ORC1: variants seen among roughly 807,000 people sequenced by gnomAD.
ORC1 encodes origin recognition complex, subunit 1 homolog.
ORC1 carries 61 observed loss-of-function variants against 98.9 expected under a neutral mutation model. The observed-to-expected ratio is 0.62, with a 90% CI of 0.50 to 0.76. The LOEUF (loss-of-function observed/expected upper bound fraction) is 0.76. Ranked by LOEUF, ORC1 falls within the 30% of genes least tolerant of loss-of-function variation. The pLI is 0.00. For synonymous variants in ORC1, 385 were observed against 406.9 expected (o/e 0.95, Z 0.65); for missense variants, 979 against 1,072.2 (o/e 0.91, Z 1.21).
intron 16 of ORC1, among the ~76,000 whole-genome samples, chr1:52,374,382 C>A (rs1646969052): frequency 6.6e-6 from 1 of 152,214 alleles, no homozygotes; most frequent in South Asian, 2.1e-4. Context: ...TCCAAGGCAG[C>A]CAATTACTAG....
chr1:52,396,267 G>A lies in ORC1; in HGVS notation c.500C>T (p.Pro167Leu). The A allele has an allele frequency of 6.2e-7, 1 of 1,614,156 alleles. No homozygotes were observed. The highest frequency in any genetic ancestry group is 8.5e-7 in the Non-Finnish European group (1 of 1,180,028). The change falls in exon 5 of 17, where the codon CCA becomes CTA. Residue 167 changes from proline to leucine, a missense_variant. Coordinates refer to ENST00000371568, the MANE Select transcript of ORC1 (RefSeq NM_004153.4). Reference protein sequence around the residue: ...KLSWNEKKFRPLSSELFAELN... With the variant: ...KLSWNEKKFRLLSSELFAELN... ...CTCCGCAAATAGTTCTGAGGAAAGT[G>A]GCCTGAATTTCTTCTCATTCCAGGA...
chr1:52,395,188 T>C (rs967025849), intron 5 of ORC1, among the ~76,000 whole-genome samples: 12 of 152,172 alleles, frequency 7.9e-5, no homozygotes, highest in Admixed American at 3.9e-4. Flanking sequence ...TTCAGATACA[T>C]TGTAAGGGGA....
intron 11 of ORC1, 63 bp downstream of exon 11, chr1:52,384,487 T>C: frequency 2.7e-6 from 4 of 1,458,484 alleles, no homozygotes; most frequent in Non-Finnish European, 2.9e-6. Context: ...TAAGTAACTC[T>C]TTCCTTTTTC....
At chr1:52,408,781 G>A, upstream of ORC1, 1 of 1,437,166 alleles carries the variant, frequency 7.0e-7, no homozygotes, top group Non-Finnish European at 9.6e-7. Context: ...TAGACAGTGT[G>A]AATGCTCCTT....
chr1:52,376,027 G>T (rs1001035576), intron 14 of ORC1, among the ~76,000 whole-genome samples: 1 of 152,184 alleles, frequency 6.6e-6, no homozygotes, highest in Non-Finnish European at 1.5e-5. Flanking sequence ...CTTACAGCAC[G>T]TGGTGAATTT....
In ORC1 at chr1:52,402,209, G is replaced by C. The variant is rs1426492800; in HGVS notation, c.15C>G (p.Pro5=). 6.2e-7 allele frequency: 1 copy of C among 1,614,104 alleles called. No individual in the cohort carries two copies. The highest frequency in any genetic ancestry group is 1.1e-5 in the South Asian group (1 of 91,076). The change falls in exon 2 of 17, where the codon CCC becomes CCG. Residue 5 remains proline, a synonymous_variant. Transcript: ENST00000371568. MAHY[P]TRLKTRKTYS... The stretch of plus-strand genomic sequence containing the variant: ...AAGTTTTTCTGGTCTTCAGCCTTGT[G>C]GGGTAGTGTGCCATGGCTTCTGTGG...
chr1:52,405,973 T>C (rs1647977147), upstream of ORC1: 3 of 721,844 alleles, frequency 4.2e-6, no homozygotes, highest in African/African-American at 3.6e-5. Flanking sequence ...TTTTGAGCCC[T>C]TGAGTTTGTA....
chr1:52,389,154 G>T, intron 7 of ORC1, 63 bp downstream of exon 7: 1 of 1,195,992 alleles, frequency 8.4e-7, no homozygotes, highest in Non-Finnish European at 1.3e-6. Flanking sequence ...GGCATTAGGA[G>T]ATAAGATTAT....
At chr1:52,385,804 G>A in intron 9 of ORC1, 48 bp downstream of exon 9, 2 of 1,233,960 alleles carry the variant, frequency 1.6e-6, no homozygotes, top group Non-Finnish European at 2.4e-6. Context: ...TGAAAGCAGA[G>A]GCCCCATGGT....
chr1:52,393,881 G>A, intron 5 of ORC1, 78 bp from the exon 6 acceptor site: 4 of 1,466,644 alleles, frequency 2.7e-6, no homozygotes, highest in Admixed American at 3.4e-5. Context: ...GCCAAATTCA[G>A]CCACTGAGTT....
chr1:52,382,729 G>A (rs866501930), intron 13 of ORC1, among the ~76,000 whole-genome samples: 70 of 151,780 alleles, frequency 4.6e-4, no homozygotes, highest in East Asian at 3.9e-4. Flanking sequence ...ACAGGCATGC[G>A]TCACCACACC....
At chr1:52,399,466 T>C (rs940543077) in intron 3 of ORC1, among the ~76,000 whole-genome samples, 1 of 151,402 alleles carries the variant, frequency 6.6e-6, no homozygotes, top group Admixed American at 6.6e-5. Context: ...CTACTAAAAA[T>C]ACAAAAAATT....
Position 52,375,438 on chromosome 1 carries a change from C to A in ORC1, c.2295G>T (p.Thr765=), listed in dbSNP as rs566116666. The change falls in exon 15 of 17, where the codon ACG becomes ACT. Residue 765 remains threonine, a synonymous_variant. Coordinates refer to ENST00000371568, the MANE Select transcript of ORC1 (RefSeq NM_004153.4). ...VDEMFSSSYI[T]AIKNSSVLEQ... The stretch of plus-strand genomic sequence containing the variant: ...GAAGTGGAGCATCTTACTTGATGGC[C>A]GTGATGTATGATGATGAAAACATCT... The A allele has an allele frequency of 6.2e-7, 1 of 1,613,914 alleles. No individual in the cohort carries two copies. Among genetic ancestry groups the A allele is most frequent in the Non-Finnish European group, 8.5e-7 (1 of 1,179,998 alleles).
In ORC1 at chr1:52,393,619, A is replaced by T. The variant is rs765267443; in HGVS notation, c.906T>A (p.Ser302=). 10 of 1,614,050 alleles carry T rather than the reference A, an allele frequency of 6.2e-6. No homozygotes were observed. In the East Asian group the frequency reaches 2.0e-4, roughly 32 times the overall value. ...APEKTRETGL[S]YTEDDKKASP... Reference sequence around the variant, plus strand: ...AAGCCTTCTTGTCATCCTCAGTATAAGAGAGTCCAGTCTCTCTGGTTTTCT... The same window carrying T: ...AAGCCTTCTTGTCATCCTCAGTATATGAGAGTCCAGTCTCTCTGGTTTTCT... The change falls in exon 6 of 17, where the codon TCT becomes TCA. Residue 302 remains serine (S), a synonymous_variant. Transcript: ENST00000371568.
intron 4 of ORC1, among the ~76,000 whole-genome samples, chr1:52,396,707 TCA>T (rs1054053560): frequency 2.0e-5 from 3 of 152,180 alleles, no homozygotes; most frequent in African/African-American, 7.2e-5. Context: ...TGGGTTATTT[TCA>T]CAGATTCCTC....
intron 8 of ORC1, among the ~76,000 whole-genome samples, chr1:52,386,212 A>C (rs547653702): frequency 6.6e-6 from 1 of 152,224 alleles, no homozygotes; most frequent in African/African-American, 2.4e-5. Context: ...GGAAAGAATT[A>C]AGTTTGGATG....
At chr1:52,381,396 A>G (rs1171411468) in intron 14 of ORC1, among the ~76,000 whole-genome samples, 3 of 152,204 alleles carry the variant, frequency 2.0e-5, no homozygotes, top group Admixed American at 1.3e-4. Context: ...TGTCCCTTTC[A>G]TCATGCAAAA....
chr1:52,404,618 G>A, upstream of ORC1: 4 of 975,742 alleles, frequency 4.1e-6, no homozygotes, highest in South Asian at 1.7e-5. Context: ...CGGTGTTTCC[G>A]GCTTCAAGAT....
intron 4 of ORC1, among the ~76,000 whole-genome samples, chr1:52,396,724 C>T (rs1445960839): frequency 1.3e-5 from 2 of 152,138 alleles, no homozygotes; most frequent in Admixed American, 6.5e-5. Flanking sequence ...TTCCTCCTAG[C>T]TGATATTCTT....
Sources: allele counts gnomAD v4.1 joint callset (sites outside exome capture counted in the v4.1 genomes callset), GRCh38; gene constraint gnomAD v4.1.1; transcripts MANE v1.5; gene names NCBI Gene and HGNC (gene_info 2026-07-23, HGNC 2026-07-21).